The following KLK5 variants were observed in gnomAD, a reference collection of about 807,000 sequenced individuals.
KLK5 encodes kallikrein-5.
A neutral mutation model predicts 24.0 loss-of-function variants in KLK5; 18 were observed. The observed-to-expected ratio is 0.75, with a 90% CI of 0.52 to 1.11. KLK5 has a LOEUF of 1.11. Ranked by LOEUF, KLK5 falls within the 50% of genes most tolerant of loss-of-function variation. The pLI, the probability that KLK5 is intolerant of heterozygous loss-of-function variation, is 0.00. For synonymous variants in KLK5, 140 were observed against 154.0 expected (o/e 0.91, Z 0.67); for missense variants, 374 against 379.2 (o/e 0.99, Z 0.11).
intron 5 of KLK5, among the ~76,000 whole-genome samples, chr19:50,946,630 G>A (rs1307456746): frequency 6.6e-6 from 1 of 151,882 alleles, no homozygotes; most frequent in Non-Finnish European, 1.5e-5. Flanking sequence ...TGCAACCTCG[G>A]CTCACTGCAA....
At chr19:50,951,603 C>A (rs1375410722) in intron 2 of KLK5, among the ~76,000 whole-genome samples, 1 of 152,156 alleles carries the variant, frequency 6.6e-6, no homozygotes, top group Non-Finnish European at 1.5e-5. Context: ...GCCCTGGCAC[C>A]ACCATCATTC....
At chr19:50,952,473 C>T (rs1443090792) in intron 2 of KLK5, 112 bp downstream of exon 2, 8 of 664,438 alleles carry the variant, frequency 1.2e-5, no homozygotes, top group Middle Eastern at 2.6e-4. Context: ...CACATTCACC[C>T]GGTCCCGGAG....
chr19:50,950,449 A>G (rs905036692), intron 2 of KLK5: 1 of 404,768 alleles, frequency 2.5e-6, no homozygotes, highest in Admixed American at 3.7e-5. Flanking sequence ...TGGGGATGGG[A>G]GGGAGACCAG....
At chr19:50,951,793 C>T (rs1235659117) in intron 2 of KLK5, among the ~76,000 whole-genome samples, 1 of 152,178 alleles carries the variant, frequency 6.6e-6, no homozygotes, top group Non-Finnish European at 1.5e-5. Context: ...GTCTCAGTGC[C>T]ACGCACAGAT....
At position 50,950,023 on chromosome 19, in the gene KLK5, TCC is replaced by T; in HGVS notation, c.165_166del (p.Glu56ArgfsTer6). On this transcript the variant is annotated frameshift_variant, in exon 3 of 6. Coordinates refer to ENST00000336334, the MANE Select transcript of KLK5 (RefSeq NM_012427.5). LOFTEE classifies it high-confidence loss of function. ...GCTGCTGTCATCCGACCGGGCGTCT[TCC>T]CCGGCCCCAGCTCCCAGGTCCTGGT... is the stretch of plus-strand genomic sequence containing the variant. 3 of 1,613,522 alleles carry T rather than the reference TCC, an allele frequency of 1.9e-6. No homozygotes were observed. The highest frequency in any genetic ancestry group is 2.5e-6 in the Non-Finnish European group (3 of 1,179,898).
At chr19:50,951,457 G>C (rs143543075) in intron 2 of KLK5, among the ~76,000 whole-genome samples, 36 of 152,092 alleles carry the variant, frequency 2.4e-4, no homozygotes, top group African/African-American at 8.7e-4. Context: ...ATTTTTAGTA[G>C]AGACGGGGTT....
In KLK5 at chr19:50,952,760, G is replaced by A; in HGVS notation, c.-25C>T. The A allele has an allele frequency of 1.3e-6, 1 of 755,146 alleles. No homozygotes were observed. Among genetic ancestry groups the A allele is most frequent in the South Asian group, 2.2e-5 (1 of 46,380 alleles). The allele number at this position is 755,146 out of a possible 1,614,324, so 46.8% of individuals were successfully genotyped here. Reference sequence around the variant, plus strand: ...TCCCTCCCCTACCTTATTTCCCCAGGTAGAGAGGAACCACAAGGACGGGCC... The same window carrying A: ...TCCCTCCCCTACCTTATTTCCCCAGATAGAGAGGAACCACAAGGACGGGCC... On this transcript the variant is annotated 5_prime_UTR_variant, in exon 1 of 6. Coordinates refer to ENST00000336334, the MANE Select transcript of KLK5 (RefSeq NM_012427.5).
At position 50,952,585 on chromosome 19, in the gene KLK5, C is replaced by T. The variant is rs758204622; in HGVS notation, c.73G>A (p.Glu25Lys). ...CCTCCCACCCCAGAGTTCTGGTTACCTGTGACCCCCAGAAGCAAGGCTGTG... is the reference window on the plus strand; with the variant it reads ...CCTCCCACCCCAGAGTTCTGGTTACTTGTGACCCCCAGAAGCAAGGCTGTG... ...LITALLLGVTEHVLANNDVSC... is the reference protein window; with the variant it reads ...LITALLLGVTKHVLANNDVSC... Residue 25 changes from glutamate (E) to lysine (K), a missense_variant and splice_region_variant, in exon 2 of 6, where the codon GAG (glutamate) becomes AAG (lysine). Coordinates refer to ENST00000336334, the MANE Select transcript of KLK5 (RefSeq NM_012427.5). 6.2e-7 allele frequency: 1 copy of T among 1,605,932 alleles called. No individual in the cohort carries two copies. The highest frequency in any genetic ancestry group is 8.5e-7 in the Non-Finnish European group (1 of 1,176,138).
chr19:50,949,779 ACCCCCACCCCCACTTCCCCAC>A (rs2090668210), intron 3 of KLK5, 55 bp downstream of exon 3: 2 of 289,024 alleles, frequency 6.9e-6, no homozygotes, highest in Non-Finnish European at 5.7e-6. Context: ...CCTCCATGAC[ACCCCCACCCCCACTTCCCCAC>A]CCCCACCCCC....
At chr19:50,951,827 A>G (rs2090690098) in intron 2 of KLK5, among the ~76,000 whole-genome samples, 1 of 152,062 alleles carries the variant, frequency 6.6e-6, no homozygotes, top group Admixed American at 6.6e-5. Flanking sequence ...AGATGTTCAG[A>G]CTGCCACATA....
chr19:50,952,739 T>G lies in KLK5; in HGVS notation c.-12+8A>C. The G allele has an allele frequency of 2.0e-6, 2 of 1,015,588 alleles. No individual in the cohort carries two copies. Among genetic ancestry groups the G allele is most frequent in the South Asian group, 1.8e-5 (1 of 56,280 alleles). The allele number at this position is 1,015,588 out of a possible 1,614,324, so 62.9% of individuals were successfully genotyped here. A position where few individuals can be genotyped will look rare whatever the true frequency, so the allele number is the denominator to read the frequency against. On this transcript the variant is annotated splice_region_variant and intron_variant, in intron 1 of 5. Transcript: ENST00000336334. ...GAGCCCTTAACCCACTTCCCCTCCC[T>G]CCCCTACCTTATTTCCCCAGGTAGA...
intron 5 of KLK5, among the ~76,000 whole-genome samples, chr19:50,945,059 T>C (rs1011976469): frequency 7.4e-6 from 1 of 134,872 alleles, no homozygotes; most frequent in East Asian, 2.2e-4. Context: ...TTCCTTTCTT[T>C]CTCCTTCCTT....
At position 50,943,785 on chromosome 19, in the gene KLK5, C is replaced by T. The variant is rs1225635244; in HGVS notation, c.728G>A (p.Gly243Asp). The T allele has an allele frequency of 1.9e-6, 3 of 1,610,820 alleles. No homozygotes were observed. In the African/African-American group the frequency reaches 4.0e-5, roughly 22 times the overall value. ...GDKAGRDSCQGDSGGPVVCNG... is the reference protein window; with the variant it reads ...GDKAGRDSCQDDSGGPVVCNG... ...GCAGACCACAGGCCCCCCAGAATCACCCTGCAGGAGAGAAAGGGGGGCATG... is the reference window on the plus strand; with the variant it reads ...GCAGACCACAGGCCCCCCAGAATCATCCTGCAGGAGAGAAAGGGGGGCATG... The change falls in exon 6 of 6, where the codon GGT (glycine) becomes GAT (aspartate). Residue 243 changes from glycine to aspartate, a missense_variant and splice_region_variant. Physicochemically the swap from Gly to Asp is moderately conservative, Grantham distance 94 (BLOSUM62 -1). Coordinates refer to ENST00000336334, the MANE Select transcript of KLK5 (RefSeq NM_012427.5).
At position 50,950,047 on chromosome 19, in the gene KLK5, TG is replaced by T; in HGVS notation, c.142del (p.Gln48ArgfsTer39). ...TTCCCCGGCCCCAGCTCCCAGGTCCTGGTTGCTCCCAGAGGGCACGGTGTTA... is the reference window on the plus strand; with the variant it reads ...TTCCCCGGCCCCAGCTCCCAGGTCCTGTTGCTCCCAGAGGGCACGGTGTTA... ...PSNTVPSGSN[Q>X]DLGAGAGEDA... On this transcript the variant is annotated frameshift_variant, in exon 3 of 6. Coordinates refer to ENST00000336334, the MANE Select transcript of KLK5 (RefSeq NM_012427.5). LOFTEE classifies it high-confidence loss of function. The T allele has an allele frequency of 6.2e-7, 1 of 1,613,782 alleles. No individual in the cohort carries two copies. Among genetic ancestry groups the T allele is most frequent in the East Asian group, 2.2e-5 (1 of 44,872 alleles).
rs1318407811 is a variant in KLK5 at position 50,947,343 on chromosome 19, T to G, written c.726+1297A>C. 6.6e-6 allele frequency among the ~76,000 whole-genome samples: 1 copy of G among 152,192 alleles called. No homozygotes were observed. The highest frequency in any genetic ancestry group is 2.4e-5 in the African/African-American group (1 of 41,460). ...TGAATCAGCCAAATTCCTTACTGCC[T>G]CAGGGCCTTTGCACGTGCCTTTTCT... On this transcript the variant is annotated intron_variant, in intron 5 of 5. Coordinates refer to ENST00000336334, the MANE Select transcript of KLK5 (RefSeq NM_012427.5). The surrounding 1 kb of genome is among the most constrained non-coding windows in gnomAD (Gnocchi z 8.7).
At chr19:50,948,818 G>A (rs758780523) in intron 4 of KLK5, 41 bp downstream of exon 4, 28 of 1,613,902 alleles carry the variant, frequency 1.7e-5, no homozygotes, top group South Asian at 6.6e-5. Flanking sequence ...GATGGAAGGC[G>A]GCAGAGATGG....
chr19:50,952,704 G>T, intron 1 of KLK5, 36 bp from the exon 2 acceptor site: 1 of 1,480,626 alleles, frequency 6.8e-7, no homozygotes, highest in Non-Finnish European at 9.2e-7. Flanking sequence ...GGAGGCCCAG[G>T]CGATCCGGGG....
chr19:50,951,329 A>G (rs1014616472), intron 2 of KLK5, among the ~76,000 whole-genome samples: 2 of 151,034 alleles, frequency 1.3e-5, no homozygotes, highest in Non-Finnish European at 2.9e-5. Context: ...CTGGAGTGCA[A>G]TGGCGCGATC....
At chr19:50,945,251 G>A (rs1443198767) in intron 5 of KLK5, among the ~76,000 whole-genome samples, 2 of 147,314 alleles carry the variant, frequency 1.4e-5, no homozygotes, top group East Asian at 4.2e-4. Context: ...TGGAACTACA[G>A]GTGCAAGCCA....
Sources: gnomAD v4.1 joint callset for allele counts (sites outside exome capture counted in the v4.1 genomes callset) on GRCh38, gnomAD v4.1.1 for gene constraint, Gnocchi (gnomAD v3.1) non-coding constraint, MANE v1.5 for transcripts, NCBI Gene and HGNC (gene_info 2026-07-23, HGNC 2026-07-21) for gene names.